Variants in PAK3 observed in about 807,000 individuals in gnomAD.
The protein encoded by PAK3 is serine/threonine-protein kinase PAK 3.
A neutral mutation model predicts 41.0 loss-of-function variants in PAK3; 4 were observed. The ratio of observed to expected loss-of-function variants is 0.10; its 90% CI spans 0.05 to 0.22. PAK3 has a LOEUF of 0.22. Among genes scored for constraint, PAK3 ranks in the 10% least tolerant of loss-of-function variants. PAK3 has a pLI of 1.00. For synonymous variants in PAK3, 146 were observed against 139.6 expected (o/e 1.05, Z -0.32); for missense variants, 205 against 409.9 (o/e 0.50, Z 4.32).
At chrX:111,023,840 G>A (rs2092229788) in intron 1 of PAK3, among the ~76,000 whole-genome samples, 1 of 111,598 alleles carries the variant, frequency 9.0e-6, no homozygotes, top group Admixed American at 9.5e-5. Flanking sequence ...CCAATCTGTA[G>A]GTTGCCTGTT....
chrX:111,007,467 G>C (rs1475127388), intron 1 of PAK3, among the ~76,000 whole-genome samples: 1 of 112,108 alleles, frequency 8.9e-6, no homozygotes, highest in Non-Finnish European at 1.9e-5. Context: ...CTTATAGAGA[G>C]CAACATAGTT....
intron 1 of PAK3, among the ~76,000 whole-genome samples, chrX:110,994,714 G>C (rs1382499519): frequency 9.0e-6 from 1 of 111,612 alleles, no homozygotes; most frequent in African/African-American, 3.3e-5. Context: ...CTTGGGAGTT[G>C]AACCAATGTT....
chrX:110,969,657 A>G lies in PAK3; in HGVS notation c.-28+25029A>G, dbSNP rs2091166021. Among the ~76,000 whole-genome samples, 3 of 110,112 alleles carry G rather than the reference A, an allele frequency of 2.7e-5. No homozygotes were observed. The South Asian group carries it at 1.2e-3, about 43-fold the overall frequency. The stretch of plus-strand genomic sequence containing the variant: ...AAAATCAGGTGGGCATATTTGTGTG[A>G]GTCTATTTCTGAGTTGTCTATTGTG... On this transcript the variant is annotated intron_variant, in intron 1 of 14. Coordinates refer to the PAK3 transcript ENST00000425146.
At chrX:111,166,143 TACTCCAAAGTCCAC>T (rs1229333932) in intron 10 of PAK3, among the ~76,000 whole-genome samples, 10 of 111,070 alleles carry the variant, frequency 9.0e-5, no homozygotes, top group Non-Finnish European at 1.5e-4. Context: ...CAGTGAACTA[TACTCCAAAGTCCAC>T]AAAGGCAGAC....
intron 1 of PAK3, among the ~76,000 whole-genome samples, chrX:111,012,808 TC>T (rs1460218464): frequency 8.9e-6 from 1 of 111,770 alleles, no homozygotes; most frequent in Admixed American, 9.5e-5. Context: ...TGAGACAGGG[TC>T]TTTCACTCTG....
intron 4 of PAK3, among the ~76,000 whole-genome samples, chrX:111,117,151 G>T (rs996275015): frequency 1.8e-5 from 2 of 112,007 alleles, no homozygotes; most frequent in Non-Finnish European, 3.8e-5. Flanking sequence ...CTAGCCTTGT[G>T]TCTTTAAATG....
intron 1 of PAK3, among the ~76,000 whole-genome samples, chrX:110,980,809 GC>G (rs2148654497): frequency 8.9e-6 from 1 of 112,355 alleles, no homozygotes; most frequent in South Asian, 3.7e-4. Flanking sequence ...ATTCTTCTAG[GC>G]CTCTCTGAAC....
At chrX:111,100,228 G>A (rs752743343) in intron 3 of PAK3, among the ~76,000 whole-genome samples, 2 of 110,974 alleles carry the variant, frequency 1.8e-5, no homozygotes, top group East Asian at 5.8e-4. Flanking sequence ...TTGGGATGAA[G>A]GTGAAGGAAG....
chrX:111,051,273 T>C (rs2092555055), intron 1 of PAK3, among the ~76,000 whole-genome samples: 1 of 111,955 alleles, frequency 8.9e-6, no homozygotes, highest in South Asian at 3.8e-4. Flanking sequence ...CCATAGTACC[T>C]CTACAATAAA....
At chrX:111,138,162 TGTAACCC>T (rs2093818851) in intron 5 of PAK3, among the ~76,000 whole-genome samples, 1 of 109,641 alleles carries the variant, frequency 9.1e-6, no homozygotes, top group African/African-American at 3.3e-5. Flanking sequence ...TTGCCAGCTG[TGTAACCC>T]TGGGTATATG....
chrX:111,002,732 T>C (rs2091867707), intron 1 of PAK3, among the ~76,000 whole-genome samples: 1 of 111,571 alleles, frequency 9.0e-6, no homozygotes, highest in Admixed American at 9.5e-5. Context: ...GTGCCCAAGG[T>C]CACACGGTTC....
intron 5 of PAK3, among the ~76,000 whole-genome samples, chrX:111,139,535 C>T (rs1372267696): frequency 8.9e-5 from 10 of 111,803 alleles, no homozygotes; most frequent in South Asian, 3.8e-4. Context: ...CTCTAATCTG[C>T]GTGGTTAGTG....
At chrX:111,073,422 C>T (rs996334779) in intron 1 of PAK3, among the ~76,000 whole-genome samples, 1 of 111,089 alleles carries the variant, frequency 9.0e-6, no homozygotes, top group Admixed American at 9.6e-5. Flanking sequence ...TAGAAAAGAT[C>T]AATAAAAGTA....
At chrX:111,166,482 T>G (rs1395912348) in intron 10 of PAK3, among the ~76,000 whole-genome samples, 7 of 110,870 alleles carry the variant, frequency 6.3e-5, no homozygotes, top group Admixed American at 3.9e-4. Context: ...TTATTTTTTG[T>G]ACAGATGGGA....
intron 16 of PAK3, among the ~76,000 whole-genome samples, chrX:111,199,501 G>A (rs767928659): frequency 9.0e-6 from 1 of 111,103 alleles, no homozygotes; most frequent in African/African-American, 3.3e-5. Context: ...ATGGTTAAAT[G>A]ATCAATCTAA....
At chrX:111,120,782 A>G (rs753608321) in intron 4 of PAK3, among the ~76,000 whole-genome samples, 2 of 112,110 alleles carry the variant, frequency 1.8e-5, no homozygotes, top group South Asian at 7.5e-4. Flanking sequence ...ATTTTTACCA[A>G]GCTAGATTTT....
chrX:111,176,359 G>A (rs1240018747), intron 11 of PAK3, among the ~76,000 whole-genome samples: 3 of 110,450 alleles, frequency 2.7e-5, no homozygotes, highest in South Asian at 7.9e-4. Flanking sequence ...AAGGGAGTGA[G>A]AGCATTAGGA....
At chrX:110,955,497 G>C in intron 1 of PAK3, among the ~76,000 whole-genome samples, 1 of 111,455 alleles carries the variant, frequency 9.0e-6, no homozygotes, top group East Asian at 2.8e-4. Flanking sequence ...AGCCAGGCAT[G>C]GGGGTGTGCA....
At chrX:111,112,810 C>T (rs752800337) in intron 4 of PAK3, among the ~76,000 whole-genome samples, 2 of 111,592 alleles carry the variant, frequency 1.8e-5, no homozygotes, top group Non-Finnish European at 3.8e-5. Flanking sequence ...GTCTGCCTAA[C>T]AACATGCAAC....
Sources: allele counts gnomAD v4.1 joint callset (sites outside exome capture counted in the v4.1 genomes callset), GRCh38; gene constraint gnomAD v4.1.1; transcripts MANE v1.5; gene names NCBI Gene and HGNC (gene_info 2026-07-23, HGNC 2026-07-21).